Variants in MBD5 observed in about 807,000 individuals in gnomAD.
MBD5 encodes the protein methyl-CpG binding domain protein 5.
A neutral mutation model predicts 117.3 loss-of-function variants in MBD5; 13 were observed. That is an observed-to-expected ratio of 0.11 (90% CI 0.07 to 0.18). The LOEUF is 0.18. Among genes scored for constraint, MBD5 ranks in the 10% least tolerant of loss-of-function variants. The pLI is 1.00. For synonymous variants in MBD5, 727 were observed against 766.4 expected (o/e 0.95, Z 0.85); for missense variants, 1,879 against 2,093.8 (o/e 0.90, Z 2.00).
intron 8 of MBD5, chr2:148,470,989 T>G (rs1680777941): frequency 6.6e-6 from 1 of 152,652 alleles, no homozygotes; most frequent in Non-Finnish European, 1.5e-5. Context: ...TCTAATGTGT[T>G]TTCTTATCCT....
intron 7 of MBD5, among the ~76,000 whole-genome samples, chr2:148,464,926 C>G (rs943993899): frequency 1.3e-5 from 2 of 151,054 alleles, no homozygotes; most frequent in African/African-American, 4.9e-5. Context: ...GCCATGATCA[C>G]ACCACTGTGC....
At position 148,149,819 on chromosome 2, in the gene MBD5, C is replaced by A. The variant is rs986801085; in HGVS notation, c.-924-28881C>A. Among the ~76,000 whole-genome samples the A allele has an allele frequency of 1.8e-3, 273 of 151,368 alleles. 1 individual carries two copies. Among genetic ancestry groups the A allele is most frequent in the African/African-American group, 6.4e-3 (262 of 41,174 alleles). ...TTTTTCTTGTAAATTTGTTTGAGTTCATTGTAGATCCTGGATATTAGCCCT... is the reference window on the plus strand; with the variant it reads ...TTTTTCTTGTAAATTTGTTTGAGTTAATTGTAGATCCTGGATATTAGCCCT... On this transcript the variant is annotated intron_variant, in intron 1 of 13. Coordinates refer to ENST00000642680, the MANE Select transcript of MBD5 (RefSeq NM_001378120.1).
At chr2:148,351,933 A>G (rs925562972) in intron 4 of MBD5, among the ~76,000 whole-genome samples, 5 of 152,042 alleles carry the variant, frequency 3.3e-5, no homozygotes, top group African/African-American at 7.2e-5. Flanking sequence ...TGTTTAGTGT[A>G]GAGATCCTCT....
chr2:148,383,551 T>G (rs569628768), intron 4 of MBD5, among the ~76,000 whole-genome samples: 1 of 152,256 alleles, frequency 6.6e-6, no homozygotes, highest in East Asian at 1.9e-4. Context: ...GTACCATTCC[T>G]TCTGAAACTA....
At chr2:148,488,611 A>C (rs906800874) in intron 10 of MBD5, among the ~76,000 whole-genome samples, 8 of 135,350 alleles carry the variant, frequency 5.9e-5, no homozygotes, top group African/African-American at 2.2e-4. Flanking sequence ...CTGAAAGTTC[A>C]AAGTATCAAG....
intron 4 of MBD5, among the ~76,000 whole-genome samples, chr2:148,402,909 G>C (rs1704966532): frequency 6.6e-6 from 1 of 151,720 alleles, no homozygotes; most frequent in Non-Finnish European, 1.5e-5. Context: ...TCAGGTAGTA[G>C]AGTTATCAGG....
intron 4 of MBD5, among the ~76,000 whole-genome samples, chr2:148,440,833 G>C (rs1706297230): frequency 6.6e-6 from 1 of 152,178 alleles, no homozygotes; most frequent in Non-Finnish European, 1.5e-5. Flanking sequence ...TAAAGAAAAT[G>C]GGGAGAAGTT....
At chr2:148,512,606 G>C (rs1042840410) in intron 13 of MBD5, among the ~76,000 whole-genome samples, 1 of 152,188 alleles carries the variant, frequency 6.6e-6, no homozygotes, top group African/African-American at 2.4e-5. Context: ...ATTTTGTCCA[G>C]TTCATCCTTT....
chr2:148,022,887 G>A (rs2105525090), intron 1 of MBD5, among the ~76,000 whole-genome samples: 1 of 152,256 alleles, frequency 6.6e-6, no homozygotes, highest in Non-Finnish European at 1.5e-5. Context: ...TGTGTTCTTA[G>A]TGCATAGCTT....
At chr2:148,076,678 A>T (rs1373913990) in intron 1 of MBD5, among the ~76,000 whole-genome samples, 1 of 152,230 alleles carries the variant, frequency 6.6e-6, no homozygotes, top group African/African-American at 2.4e-5. Flanking sequence ...TTATCATTGT[A>T]ATAATAGGTT....
rs932006436 is a variant in MBD5, at chr2:148,444,279, C to A, written c.-556-13924C>A. Reference sequence around the variant, plus strand: ...AATACTTTCTCGCCCGTGTGTTGCTCCTTTTGGCTTCTGCTTCCACTGCAC... The same window carrying A: ...AATACTTTCTCGCCCGTGTGTTGCTACTTTTGGCTTCTGCTTCCACTGCAC... On this transcript the variant is annotated intron_variant, in intron 4 of 13. Transcript: ENST00000642680. Among the ~76,000 whole-genome samples the A allele has an allele frequency of 4.0e-5, 6 of 150,222 alleles. No homozygotes were observed. The South Asian group carries it at 6.2e-4, about 16-fold the overall frequency.
chr2:148,180,343 C>CATATATATATATATATATATATAT lies in MBD5; in HGVS notation c.-831+1568_-831+1569insATATATATATATATATATATATAT, dbSNP rs70992196. Among the ~76,000 whole-genome samples, 615 of 105,314 alleles carry CATATATATATATATATATATATAT rather than the reference C, an allele frequency of 5.8e-3. 12 individuals are homozygous for CATATATATATATATATATATATAT. The highest frequency in any genetic ancestry group is 0.01 in the African/African-American group (286 of 27,880). 69.1% of individuals were successfully genotyped at this position (105,314 alleles called of 152,430 possible). On this transcript the variant is annotated intron_variant, in intron 2 of 13. Coordinates refer to ENST00000642680, the MANE Select transcript of MBD5 (RefSeq NM_001378120.1). The stretch of plus-strand genomic sequence containing the variant: ...ATCCTTCTAGTAAAAAAAAATTATA[C>CATATATATATATATATATATATAT]ATATATATATATATATATGTATATA...
At chr2:148,470,981 TA>T (rs1205123247) in intron 8 of MBD5, 1 of 152,902 alleles carries the variant, frequency 6.5e-6, no homozygotes, top group Non-Finnish European at 1.5e-5. Flanking sequence ...GGCTGTCTTC[TA>T]ATGTGTTTTC....
intron 1 of MBD5, among the ~76,000 whole-genome samples, chr2:148,152,395 C>T (rs1382481552): frequency 1.3e-5 from 2 of 152,094 alleles, no homozygotes; most frequent in African/African-American, 2.4e-5. Flanking sequence ...TGGTGCGGTG[C>T]TGAAAAAAGT....
chr2:148,360,963 G>A (rs1432840973), intron 4 of MBD5, among the ~76,000 whole-genome samples: 1 of 152,026 alleles, frequency 6.6e-6, no homozygotes, highest in East Asian at 1.9e-4. Flanking sequence ...CTTGTATTTA[G>A]AATTATCATA....
At chr2:148,456,890 A>G (rs1373424568) in intron 4 of MBD5, among the ~76,000 whole-genome samples, 2 of 152,132 alleles carry the variant, frequency 1.3e-5, no homozygotes. Context: ...ATATACCTGA[A>G]TATACGATGG....
chr2:148,354,231 T>A (rs571008262), intron 4 of MBD5, among the ~76,000 whole-genome samples: 1 of 152,098 alleles, frequency 6.6e-6, no homozygotes, highest in African/African-American at 2.4e-5. Context: ...CTGCATGCAT[T>A]AGATAATTGT....
intron 1 of MBD5, among the ~76,000 whole-genome samples, chr2:148,127,376 G>A (rs1696927279): frequency 6.6e-6 from 1 of 152,050 alleles, no homozygotes; most frequent in African/African-American, 2.4e-5. Flanking sequence ...TATTCTTCCT[G>A]ATGCTCTCTC....
At chr2:148,415,863 T>C (rs750164774) in intron 4 of MBD5, among the ~76,000 whole-genome samples, 3 of 152,214 alleles carry the variant, frequency 2.0e-5, no homozygotes, top group Non-Finnish European at 4.4e-5. Flanking sequence ...AGCTCTTCTA[T>C]CATTTTATTT....
Sources: allele counts gnomAD v4.1 joint callset (sites outside exome capture counted in the v4.1 genomes callset), GRCh38; gene constraint gnomAD v4.1.1; transcripts MANE v1.5; gene names NCBI Gene and HGNC (gene_info 2026-07-23, HGNC 2026-07-21).